SP140: variants seen among roughly 807,000 people sequenced by gnomAD.
SP140 encodes the protein SP140 nuclear body protein.
In SP140, 81 loss-of-function variants were observed where a neutral mutation model predicts 125.0. That is an observed-to-expected ratio of 0.65 (90% CI 0.54 to 0.78). The LOEUF (loss-of-function observed/expected upper bound fraction) is 0.78. Among genes scored for constraint, SP140 ranks in the 30% least tolerant of loss-of-function variants. SP140 has a pLI of 0.00. For synonymous variants in SP140, 312 were observed against 354.0 expected (o/e 0.88, Z 1.33); for missense variants, 858 against 1,037.0 (o/e 0.83, Z 2.37).
intron 1 of SP140, among the ~76,000 whole-genome samples, chr2:230,233,033 T>A (rs2047475988): frequency 6.6e-6 from 1 of 152,216 alleles, no homozygotes; most frequent in Non-Finnish European, 1.5e-5. Flanking sequence ...CCATTTATAA[T>A]TTAAGATGGT....
chr2:230,203,865 TG>T (rs1017225495), intron 1 of SP140, among the ~76,000 whole-genome samples: 1 of 152,168 alleles, frequency 6.6e-6, no homozygotes, highest in African/African-American at 2.4e-5. Context: ...AGTTGTTTAA[TG>T]GGTACAGGGT....
At chr2:230,227,673 A>T (rs1471816354) in intron 1 of SP140, among the ~76,000 whole-genome samples, 1 of 152,152 alleles carries the variant, frequency 6.6e-6, no homozygotes, top group Non-Finnish European at 1.5e-5. Context: ...CCTCTTAAAG[A>T]ATTTGTTCAT....
chr2:230,212,192 T>G (rs2044563222), intron 1 of SP140, among the ~76,000 whole-genome samples: 1 of 152,208 alleles, frequency 6.6e-6, no homozygotes, highest in South Asian at 2.1e-4. Flanking sequence ...TGTTTTGCAT[T>G]GCTGCGTTGG....
chr2:230,300,766 G>T (rs1054292865), intron 22 of SP140, among the ~76,000 whole-genome samples: 1 of 152,136 alleles, frequency 6.6e-6, no homozygotes, highest in African/African-American at 2.4e-5. Context: ...AAAAGATCAC[G>T]TTAGCTCACC....
At chr2:230,283,108 C>G (rs563890607) in intron 15 of SP140, among the ~76,000 whole-genome samples, 1 of 152,324 alleles carries the variant, frequency 6.6e-6, no homozygotes, top group Non-Finnish European at 1.5e-5. Context: ...GGCCCAGCCC[C>G]TGCCATCTCA....
At chr2:230,208,139 T>A in intron 1 of SP140, 1 of 872,058 alleles carries the variant, frequency 1.1e-6, no homozygotes. Context: ...AGCTTTTACT[T>A]TTGGTCTTCA....
chr2:230,216,984 G>C, intron 3 of SP140: 1 of 1,535,384 alleles, frequency 6.5e-7, no homozygotes, highest in South Asian at 1.2e-5. Context: ...GGTGGCTCAT[G>C]CCTGTAATCC....
the SP140 span, among the ~76,000 whole-genome samples, chr2:230,190,315 C>T: frequency 1.3e-5 from 2 of 150,692 alleles, no homozygotes; most frequent in African/African-American, 2.4e-5. Context: ...TGATGTTGAG[C>T]GTTTTTCCAT....
Position 230,285,969 on chromosome 2 carries a change from G to T in SP140, c.1645+137G>T, listed in dbSNP as rs77713314. The T allele has an allele frequency of 2.8e-3, 1,832 of 643,280 alleles. 35 individuals are homozygous for T. The African/African-American group carries it at 0.03, about 10-fold the overall frequency. 39.8% of individuals were successfully genotyped at this position (643,280 alleles called of 1,614,324 possible). ...TTGGAGAGCAGTGAAATCTAAAAGA[G>T]CAAACTCATTATAAGCAGGGGTTGT... On this transcript the variant is annotated intron_variant, in intron 17 of 26. Transcript: ENST00000392045.
the SP140 span, among the ~76,000 whole-genome samples, chr2:230,196,119 G>A: frequency 6.6e-6 from 1 of 152,068 alleles, no homozygotes; most frequent in South Asian, 2.1e-4. Flanking sequence ...TTGTTAAAGG[G>A]AATATAAATC....
At chr2:230,255,125 CAA>C (rs1206826296) in intron 11 of SP140, among the ~76,000 whole-genome samples, 2 of 152,088 alleles carry the variant, frequency 1.3e-5, no homozygotes. Flanking sequence ...CGCATGGAAA[CAA>C]AGAGAAGCAC....
At chr2:230,264,319 A>AT (rs2149315163) in intron 12 of SP140, among the ~76,000 whole-genome samples, 1 of 152,012 alleles carries the variant, frequency 6.6e-6, no homozygotes, top group East Asian at 1.9e-4. Flanking sequence ...AGTTTCCTGA[A>AT]TTTTTTATTG....
chr2:230,233,131 T>C (rs1189696260), intron 1 of SP140, among the ~76,000 whole-genome samples: 1 of 152,152 alleles, frequency 6.6e-6, no homozygotes, highest in East Asian at 1.9e-4. Context: ...AAAAAGAGCA[T>C]GTTTTTCTTT....
intron 1 of SP140, chr2:230,212,962 C>T: frequency 6.2e-7 from 1 of 1,614,076 alleles, no homozygotes; most frequent in Non-Finnish European, 8.5e-7. Context: ...CTTCCTTCTG[C>T]TAGGCCAGTT....
chr2:230,202,395 C>T (rs2043270660), upstream of SP140, among the ~76,000 whole-genome samples: 1 of 152,158 alleles, frequency 6.6e-6, no homozygotes, highest in South Asian at 2.1e-4. Context: ...CTGTTTCTTC[C>T]ACAAAACTTT....
chr2:230,274,634 C>A (rs2054441425), intron 15 of SP140, among the ~76,000 whole-genome samples: 1 of 151,870 alleles, frequency 6.6e-6, no homozygotes, highest in Non-Finnish European at 1.5e-5. Flanking sequence ...TTTTTTGTCA[C>A]TAAATTTATG....
chr2:230,238,939 T>A (rs1050464279), intron 3 of SP140: 9 of 1,542,428 alleles, frequency 5.8e-6, no homozygotes, highest in Non-Finnish European at 6.1e-6. Flanking sequence ...AATTGCAGAC[T>A]GTGGGAGGCA....
At position 230,253,429 on chromosome 2, in the gene SP140, G is replaced by T; in HGVS notation, c.1159+12G>T. The T allele has an allele frequency of 6.4e-7, 1 of 1,574,602 alleles. No individual in the cohort carries two copies. The highest frequency in any genetic ancestry group is 1.1e-5 in the South Asian group (1 of 90,214). On this transcript the variant is annotated intron_variant, in intron 11 of 26. Coordinates refer to ENST00000392045, the MANE Select transcript of SP140 (RefSeq NM_007237.5). ...AGGTGAAGGAGAAGGTAATTATGAT[G>T]TACATTTTTAGGTATTTGAGTACAT... is the stretch of plus-strand genomic sequence containing the variant.
chr2:230,284,964 CTG>C (rs1238654412), intron 16 of SP140, among the ~76,000 whole-genome samples: 2 of 152,004 alleles, frequency 1.3e-5, no homozygotes, highest in African/African-American at 4.8e-5. Flanking sequence ...ATATTTTTAT[CTG>C]TGGTTTTTAA....
Sources: allele counts gnomAD v4.1 joint callset (sites outside exome capture counted in the v4.1 genomes callset), GRCh38; gene constraint gnomAD v4.1.1; transcripts MANE v1.5; gene names NCBI Gene and HGNC (gene_info 2026-07-23, HGNC 2026-07-21).